Variants in CACNA1I observed in about 807,000 individuals in gnomAD.
CACNA1I encodes voltage-dependent T-type calcium channel subunit alpha-1I.
CACNA1I carries 74 observed loss-of-function variants against 201.6 expected under a neutral mutation model. The ratio of observed to expected loss-of-function variants is 0.37; its 90% CI spans 0.30 to 0.45. The LOEUF (loss-of-function observed/expected upper bound fraction) is 0.45, where lower values mean the gene tolerates loss of function less well. Among genes scored for constraint, CACNA1I ranks in the 20% least tolerant of loss-of-function variants. CACNA1I has a pLI of 1.00. For synonymous variants in CACNA1I, 1,431 were observed against 1,345.2 expected (o/e 1.06, Z -1.40); for missense variants, 2,346 against 3,138.1 (o/e 0.75, Z 6.03).
rs747633366 is a variant in CACNA1I at position 39,643,534 on chromosome 22, G to A, written c.1149+645G>A. ...TTCAGCACAGCACAGTCCCCAAAATGTCAAGGTGATTCATTCCCAGGAGTC... is the reference window on the plus strand; with the variant it reads ...TTCAGCACAGCACAGTCCCCAAAATATCAAGGTGATTCATTCCCAGGAGTC... On this transcript the variant is annotated intron_variant, in intron 7 of 36. Transcript: ENST00000402142. The A allele has an allele frequency of 9.5e-4, 145 of 152,384 alleles. 1 individual carries two copies. The highest frequency in any genetic ancestry group is 1.3e-3 in the Non-Finnish European group (92 of 68,170). The allele number at this position is 152,384 out of a possible 1,614,324, so 9.4% of individuals were successfully genotyped here. A position where few individuals can be genotyped will look rare whatever the true frequency, so the allele number is the denominator to read the frequency against.
At chr22:39,617,778 C>T (rs934048642) in intron 3 of CACNA1I, among the ~76,000 whole-genome samples, 8 of 146,310 alleles carry the variant, frequency 5.5e-5, no homozygotes, top group Non-Finnish European at 1.1e-4. Flanking sequence ...CACCGCACCC[C>T]TCCTTTCCCG....
rs537397220 is a variant in CACNA1I at position 39,637,421 on chromosome 22, G to A, written c.740+2697G>A. 8.9e-4 allele frequency among the ~76,000 whole-genome samples: 136 copies of A among 152,248 alleles called. 1 individual carries two copies. Among genetic ancestry groups the A allele is most frequent in the African/African-American group, 3.0e-3 (125 of 41,540 alleles). ...GTAGGTGGGGAGGGTACTCTTGATCGAGGCAACCCCACTGCTGCGGTGTGG... is the reference window on the plus strand; with the variant it reads ...GTAGGTGGGGAGGGTACTCTTGATCAAGGCAACCCCACTGCTGCGGTGTGG... On this transcript the variant is annotated intron_variant, in intron 5 of 36. Transcript: ENST00000402142.
rs1234974243 is a variant in CACNA1I, at chr22:39,642,778, TCTC to T, written c.1057-15_1057-13del. ...TGATGGGCCAGTCCTCTCGGCTCTCTCTCCTCTGCGCGCTGCAGGTGATCACTC... is the reference window on the plus strand; with the variant it reads ...TGATGGGCCAGTCCTCTCGGCTCTCTCTCTGCGCGCTGCAGGTGATCACTC... On this transcript the variant is annotated splice_polypyrimidine_tract_variant and intron_variant, in intron 6 of 36. Coordinates refer to ENST00000402142, the MANE Select transcript of CACNA1I (RefSeq NM_021096.4). 5 of 1,587,022 alleles carry T rather than the reference TCTC, an allele frequency of 3.2e-6. No homozygotes were observed. The highest frequency in any genetic ancestry group is 4.3e-6 in the Non-Finnish European group (5 of 1,162,754).
intron 3 of CACNA1I, among the ~76,000 whole-genome samples, chr22:39,618,171 CTG>C (rs559153990): frequency 1.2e-4 from 16 of 138,504 alleles, no homozygotes; most frequent in Admixed American, 1.4e-4. Flanking sequence ...AGGTGTGTGA[CTG>C]TGTGTGTGGG....
intron 1 of CACNA1I, among the ~76,000 whole-genome samples, chr22:39,582,559 A>G (rs904471493): frequency 4.6e-5 from 7 of 152,142 alleles, no homozygotes; most frequent in Admixed American, 2.0e-4. Flanking sequence ...CTGAAAGTGT[A>G]GAACAGTATG....
rs1467753216 is a variant in CACNA1I at position 39,682,311 on chromosome 22, CATTCGGAGGTGG to C, written c.5665-180_5665-169del. 3.3e-5 allele frequency among the ~76,000 whole-genome samples: 5 copies of C among 152,332 alleles called. No homozygotes were observed. In the East Asian group the frequency reaches 9.6e-4, roughly 29 times the overall value. On this transcript the variant is annotated intron_variant, in intron 34 of 36. Coordinates refer to ENST00000402142, the MANE Select transcript of CACNA1I (RefSeq NM_021096.4). ...CTAACTGCCTGGGGCATCCAGTGGG[CATTCGGAGGTGG>C]ATTCCTTTCACGGGATTTTGGAAGA...
chr22:39,620,993 G>T (rs1933727253), intron 4 of CACNA1I, among the ~76,000 whole-genome samples: 2 of 152,136 alleles, frequency 1.3e-5, no homozygotes, highest in Admixed American at 6.6e-5. Context: ...CCTGACCTCA[G>T]GTGATCCACC....
intron 1 of CACNA1I, among the ~76,000 whole-genome samples, chr22:39,589,557 G>A (rs1932798047): frequency 6.6e-6 from 1 of 152,260 alleles, no homozygotes; most frequent in African/African-American, 2.4e-5. Context: ...GGGTGGTCCT[G>A]GAACAGGGAT....
At chr22:39,641,750 C>T (rs1388164668) in intron 6 of CACNA1I, among the ~76,000 whole-genome samples, 2 of 152,230 alleles carry the variant, frequency 1.3e-5, no homozygotes, top group Non-Finnish European at 2.9e-5. Flanking sequence ...TGCGTGGCCC[C>T]ACTGCACTGA....
chr22:39,630,785 G>A (rs756260492), intron 4 of CACNA1I, among the ~76,000 whole-genome samples: 3 of 152,288 alleles, frequency 2.0e-5, no homozygotes, highest in Non-Finnish European at 4.4e-5. Flanking sequence ...GGGCACGGAG[G>A]CAGCCCCGAA....
chr22:39,680,614 G>A lies in CACNA1I; in HGVS notation c.5542-316G>A, dbSNP rs181772572. On this transcript the variant is annotated intron_variant, in intron 33 of 36. Coordinates refer to ENST00000402142, the MANE Select transcript of CACNA1I (RefSeq NM_021096.4). ...GTCAAGTCCAGCCCAGTCTTGACGG[G>A]CACTTGGTCTGGGGGCAAGCAGACA... Among the ~76,000 whole-genome samples the A allele has an allele frequency of 5.8e-4, 88 of 152,318 alleles. 2 individuals carry two copies. In the East Asian group the frequency reaches 0.017, roughly 29 times the overall value.
At position 39,688,869 on chromosome 22, in the gene CACNA1I, G is replaced by C. The variant is rs1935957869; in HGVS notation, c.*2464G>C. 1.3e-5 allele frequency: 2 copies of C among 152,446 alleles called. No individual in the cohort carries two copies. The highest frequency in any genetic ancestry group is 4.1e-4 in the South Asian group (2 of 4,834). The allele number at this position is 152,446 out of a possible 1,614,324, so 9.4% of individuals were successfully genotyped here. On this transcript the variant is annotated 3_prime_UTR_variant, in exon 37 of 37. Coordinates refer to ENST00000402142, the MANE Select transcript of CACNA1I (RefSeq NM_021096.4). This position sits in a 1 kb window ranked among gnomAD's most constrained non-coding sequence, Gnocchi z 4.8. ...GGTGGAAGAGCTGAGCTCAGAGGCA[G>C]AGAAGCTCCTTGCAGGGAGCACTGG... is the stretch of plus-strand genomic sequence containing the variant.
At chr22:39,589,123 A>G (rs1159994012) in intron 1 of CACNA1I, among the ~76,000 whole-genome samples, 2 of 152,214 alleles carry the variant, frequency 1.3e-5, no homozygotes, top group Admixed American at 6.5e-5. Flanking sequence ...TGTGACAACC[A>G]AAAATGTCTC....
intron 4 of CACNA1I, among the ~76,000 whole-genome samples, chr22:39,621,847 A>G (rs1334321914): frequency 6.6e-6 from 1 of 151,926 alleles, no homozygotes; most frequent in Non-Finnish European, 1.5e-5. Context: ...GGGCACAGGG[A>G]GGGGACATGC....
chr22:39,610,448 GGA>G (rs1239255433), intron 3 of CACNA1I, among the ~76,000 whole-genome samples: 1 of 152,174 alleles, frequency 6.6e-6, no homozygotes, highest in Non-Finnish European at 1.5e-5. Flanking sequence ...GGATGGGATG[GGA>G]GAGAGGGTGA....
Position 39,646,928 on chromosome 22 carries a change from G to C in CACNA1I, c.1462+47G>C, listed in dbSNP as rs1227471331. The C allele has an allele frequency of 3.4e-6, 5 of 1,449,576 alleles. No individual in the cohort carries two copies. The African/African-American group carries it at 4.3e-5, about 12-fold the overall frequency. 89.8% of individuals were successfully genotyped at this position (1,449,576 alleles called of 1,614,324 possible). A position where few individuals can be genotyped will look rare whatever the true frequency, so the allele number is the denominator to read the frequency against. ...GCGGCACTCAGGCACTTCGTGCCAA[G>C]TGTCACTCCTTTCCAGCACGTCCAG... On this transcript the variant is annotated intron_variant, in intron 8 of 36. Coordinates refer to ENST00000402142, the MANE Select transcript of CACNA1I (RefSeq NM_021096.4).
chr22:39,632,187 G>A (rs1012622057), intron 4 of CACNA1I, among the ~76,000 whole-genome samples: 10 of 152,270 alleles, frequency 6.6e-5, no homozygotes, highest in South Asian at 2.1e-4. Flanking sequence ...GGCTGGGACC[G>A]TGTGGAGCTG....
chr22:39,606,814 G>A (rs1267622354), intron 3 of CACNA1I, among the ~76,000 whole-genome samples: 3 of 152,284 alleles, frequency 2.0e-5, no homozygotes, highest in Admixed American at 2.0e-4. Context: ...TTACAGGCAT[G>A]AGTCACTATG....
At position 39,689,293 on chromosome 22, in the gene CACNA1I, C is replaced by A. The variant is rs1485801455; in HGVS notation, c.*2888C>A. On this transcript the variant is annotated 3_prime_UTR_variant, in exon 37 of 37. Transcript: ENST00000402142. ...CTCTACCTTCTCCGGCACCAGGCAG[C>A]CCCTTAAAGGAGGACAAAGTGTGTA... The A allele has an allele frequency of 6.5e-6, 1 of 153,002 alleles. No individual in the cohort carries two copies. Among genetic ancestry groups the A allele is most frequent in the East Asian group, 1.9e-4 (1 of 5,202 alleles). The allele number at this position is 153,002 out of a possible 1,614,324, so 9.5% of individuals were successfully genotyped here. A position where few individuals can be genotyped will look rare whatever the true frequency, so the allele number is the denominator to read the frequency against.
Sources: allele counts gnomAD v4.1 joint callset (sites outside exome capture counted in the v4.1 genomes callset), GRCh38; gene constraint gnomAD v4.1.1; non-coding constraint Gnocchi (gnomAD v3.1); transcripts MANE v1.5; gene names NCBI Gene and HGNC (gene_info 2026-07-23, HGNC 2026-07-21).